PLCXD3: variants seen among roughly 807,000 people sequenced by gnomAD.
PLCXD3 encodes the protein phosphatidylinositol specific phospholipase C X domain containing 3, also known as PI-PLC X domain-containing protein 3.
PLCXD3 carries 19 observed loss-of-function variants against 25.5 expected under a neutral mutation model. The observed-to-expected ratio is 0.75, with a 90% CI of 0.52 to 1.09. PLCXD3 has a LOEUF of 1.09. Among genes scored for constraint, PLCXD3 ranks in the 50% least tolerant of loss-of-function variants. The probability of loss-of-function intolerance (pLI) is 0.00; values close to 1 mark genes in which losing one functional copy is unlikely to be tolerated. For synonymous variants in PLCXD3, 174 were observed against 137.6 expected, an observed-to-expected ratio of 1.26 and a Z score of -1.85; for missense variants, 411 against 388.1, an observed-to-expected ratio of 1.06 and a Z score of -0.50.
At chr5:41,402,970 A>T (rs1012379979) in intron 1 of PLCXD3, among the ~76,000 whole-genome samples, 23 of 152,094 alleles carry the variant, frequency 1.5e-4, no homozygotes, top group African/African-American at 5.6e-4. Flanking sequence ...TCTGCTTTTG[A>T]ATTCAATTGT....
In PLCXD3 at chr5:41,309,214, T is replaced by G. The variant is rs993466041; in HGVS notation, c.*4403A>C. On this transcript the variant is annotated 3_prime_UTR_variant, in exon 3 of 3. Coordinates refer to ENST00000377801, the MANE Select transcript of PLCXD3 (RefSeq NM_001005473.3). Reference sequence around the variant, plus strand: ...AATAGTATCACAATTGAAATAACAATTACACAATTTTCAACAGATTCAATT... The same window carrying G: ...AATAGTATCACAATTGAAATAACAAGTACACAATTTTCAACAGATTCAATT... 3.3e-5 allele frequency: 5 copies of G among 152,526 alleles called. No homozygotes were observed. The highest frequency in any genetic ancestry group is 1.3e-4 in the Admixed American group (2 of 15,246). The allele number at this position is 152,526 out of a possible 1,614,324, so 9.4% of individuals were successfully genotyped here.
rs183421717 is a variant in PLCXD3 at position 41,369,954 on chromosome 5, A to G, written c.812+11872T>C. On this transcript the variant is annotated intron_variant, in intron 2 of 2. Coordinates refer to ENST00000377801, the MANE Select transcript of PLCXD3 (RefSeq NM_001005473.3). ...CATATCACATCCATTTCCAAAGGGCAGTCTGTGCTTTTAGCATTCACTAAT... is the reference window on the plus strand; with the variant it reads ...CATATCACATCCATTTCCAAAGGGCGGTCTGTGCTTTTAGCATTCACTAAT... Among the ~76,000 whole-genome samples, 42 of 152,330 alleles carry G rather than the reference A, an allele frequency of 2.8e-4. No individual in the cohort carries two copies. The East Asian group carries it at 7.3e-3, about 27-fold the overall frequency.
At chr5:41,491,678 G>A (rs56102630) in intron 1 of PLCXD3, among the ~76,000 whole-genome samples, 32,191 of 151,236 alleles carry the variant, frequency 0.21, 3,428 homozygotes, top group East Asian at 0.28. Context: ...CATCCCTTTA[G>A]CATTATGTAA....
At chr5:41,469,626 C>G (rs983089213) in intron 1 of PLCXD3, among the ~76,000 whole-genome samples, 2 of 151,894 alleles carry the variant, frequency 1.3e-5, no homozygotes, top group African/African-American at 4.8e-5. Flanking sequence ...CTCTAGTTAT[C>G]CAATCTATTG....
intron 1 of PLCXD3, among the ~76,000 whole-genome samples, chr5:41,470,842 T>C (rs77079001): frequency 0.011 from 1,688 of 152,264 alleles, 41 homozygotes; most frequent in African/African-American, 0.039. Flanking sequence ...AGTAAGCAGA[T>C]ACATTTGCCA....
At chr5:41,394,404 AAAG>A (rs1250106559) in intron 1 of PLCXD3, among the ~76,000 whole-genome samples, 9 of 152,180 alleles carry the variant, frequency 5.9e-5, no homozygotes, top group Non-Finnish European at 1.3e-4. Context: ...AAAGGAAAGT[AAAG>A]AAGACCATAA....
intron 1 of PLCXD3, among the ~76,000 whole-genome samples, chr5:41,482,826 G>C (rs766826653): frequency 6.6e-6 from 1 of 152,144 alleles, no homozygotes; most frequent in South Asian, 2.1e-4. Flanking sequence ...CAATTTTTAA[G>C]TGTACCATTC....
chr5:41,443,660 C>A (rs531355048), intron 1 of PLCXD3, among the ~76,000 whole-genome samples: 1 of 152,084 alleles, frequency 6.6e-6, no homozygotes, highest in South Asian at 2.1e-4. Context: ...TTTGCAGGAA[C>A]GCAGAGGTGG....
Position 41,311,965 on chromosome 5 carries a change from G to T in PLCXD3, c.*1652C>A, listed in dbSNP as rs762650318. On this transcript the variant is annotated 3_prime_UTR_variant, in exon 3 of 3. Coordinates refer to ENST00000377801, the MANE Select transcript of PLCXD3 (RefSeq NM_001005473.3). ...TGTATTATCCTAGGAAACTATTGGGGTGTGATTATTTCTAAACATGAAAAT... is the reference window on the plus strand; with the variant it reads ...TGTATTATCCTAGGAAACTATTGGGTTGTGATTATTTCTAAACATGAAAAT... The T allele has an allele frequency of 4.6e-5, 7 of 152,462 alleles. No individual in the cohort carries two copies. The highest frequency in any genetic ancestry group is 1.0e-4 in the Non-Finnish European group (7 of 67,990). 9.4% of individuals were successfully genotyped at this position (152,462 alleles called of 1,614,324 possible). A position where few individuals can be genotyped will look rare whatever the true frequency, so the allele number is the denominator to read the frequency against.
intron 2 of PLCXD3, among the ~76,000 whole-genome samples, chr5:41,331,309 G>C (rs1743797619): frequency 6.6e-6 from 1 of 151,900 alleles, no homozygotes; most frequent in Non-Finnish European, 1.5e-5. Flanking sequence ...ATAACAAACA[G>C]AGAGCCAAAT....
At chr5:41,354,807 T>A (rs1192799780) in intron 2 of PLCXD3, among the ~76,000 whole-genome samples, 1 of 152,234 alleles carries the variant, frequency 6.6e-6, no homozygotes, top group Non-Finnish European at 1.5e-5. Context: ...GTTCCCTGCA[T>A]AAAATTCTTC....
At chr5:41,355,193 G>T (rs561301880) in intron 2 of PLCXD3, among the ~76,000 whole-genome samples, 154 of 152,242 alleles carry the variant, frequency 1.0e-3, no homozygotes, top group South Asian at 2.5e-3. Context: ...TGTAGAAATA[G>T]GTAGTCTCTT....
intron 2 of PLCXD3, among the ~76,000 whole-genome samples, chr5:41,357,686 A>G (rs1342647039): frequency 6.6e-6 from 1 of 152,234 alleles, no homozygotes; most frequent in Non-Finnish European, 1.5e-5. Context: ...GTAATGTCTC[A>G]CTGATAATTC....
chr5:41,411,968 A>C (rs1204456627), intron 1 of PLCXD3, among the ~76,000 whole-genome samples: 4 of 145,848 alleles, frequency 2.7e-5, no homozygotes, highest in South Asian at 2.2e-4. Flanking sequence ...CCATATATAT[A>C]TATGTATCCA....
chr5:41,415,133 G>A (rs1348704533), intron 1 of PLCXD3, among the ~76,000 whole-genome samples: 1 of 152,066 alleles, frequency 6.6e-6, no homozygotes, highest in South Asian at 2.1e-4. Flanking sequence ...TATGGAAAAG[G>A]GGATGCTATT....
At chr5:41,415,878 T>C (rs561465970) in intron 1 of PLCXD3, among the ~76,000 whole-genome samples, 9 of 152,304 alleles carry the variant, frequency 5.9e-5, no homozygotes, top group East Asian at 1.9e-4. Context: ...GAGTTTATAA[T>C]GGAACTGTGT....
At chr5:41,393,421 G>A (rs1745896852) in intron 1 of PLCXD3, among the ~76,000 whole-genome samples, 1 of 152,132 alleles carries the variant, frequency 6.6e-6, no homozygotes, top group Admixed American at 6.6e-5. Flanking sequence ...CATATTTAAA[G>A]TGCTGAAGAG....
intron 1 of PLCXD3, among the ~76,000 whole-genome samples, chr5:41,397,000 T>C (rs1341371117): frequency 2.0e-5 from 3 of 152,180 alleles, no homozygotes; most frequent in Non-Finnish European, 4.4e-5. Context: ...AGAACTTACA[T>C]TTAAAAGGAA....
intron 1 of PLCXD3, among the ~76,000 whole-genome samples, chr5:41,395,619 G>A (rs1030216433): frequency 5.3e-5 from 8 of 151,836 alleles, no homozygotes; most frequent in African/African-American, 1.9e-4. Context: ...AATAACAAAG[G>A]AAACATTATA....
Sources: allele counts gnomAD v4.1 joint callset (sites outside exome capture counted in the v4.1 genomes callset), GRCh38; gene constraint gnomAD v4.1.1; transcripts MANE v1.5; gene names NCBI Gene and HGNC (gene_info 2026-07-23, HGNC 2026-07-21).